The following ZNF804A variants were observed in gnomAD, a reference collection of about 807,000 sequenced individuals.
ZNF804A encodes zinc finger protein 804A.
Under a neutral mutation model 16.5 loss-of-function variants are expected in ZNF804A, and 2 were observed. The observed-to-expected ratio is 0.12, with a 90% CI of 0.05 to 0.38. The LOEUF is 0.38. Ranked by LOEUF, ZNF804A falls within the 10% of genes least tolerant of loss-of-function variation. The probability of loss-of-function intolerance (pLI) is 0.99; values close to 1 mark genes in which losing one functional copy is unlikely to be tolerated. For synonymous variants in ZNF804A, 534 were observed against 489.6 expected, an observed-to-expected ratio of 1.09 and a Z score of -1.20; for missense variants, 1,473 against 1,390.7, an observed-to-expected ratio of 1.06 and a Z score of -0.94.
At position 184,636,423 on chromosome 2, in the gene ZNF804A, C is replaced by CTGTGTGTGTG. The variant is rs746003358; in HGVS notation, c.111+37374_111+37383dup. 4.9e-3 allele frequency among the ~76,000 whole-genome samples: 491 copies of CTGTGTGTGTG among 99,234 alleles called. 15 individuals carry two copies. Among genetic ancestry groups the CTGTGTGTGTG allele is most frequent in the African/African-American group, 0.019 (458 of 23,508 alleles). 65.1% of individuals were successfully genotyped at this position (99,234 alleles called of 152,430 possible). On this transcript the variant is annotated intron_variant, in intron 1 of 3. Transcript: ENST00000302277. ...AAGCATTGTGAGACTGGCTCTAGGG[C>CTGTGTGTGTG]TGTGTGTGTGTGTGTGTGTGTGTGT...
At chr2:184,716,861 G>A (rs1040120701) in intron 1 of ZNF804A, among the ~76,000 whole-genome samples, 12 of 152,128 alleles carry the variant, frequency 7.9e-5, no homozygotes, top group African/African-American at 2.7e-4. Flanking sequence ...TGAATGGAGA[G>A]AAGAAAATAA....
intron 2 of ZNF804A, among the ~76,000 whole-genome samples, chr2:184,920,690 C>T (rs1685516232): frequency 6.6e-6 from 1 of 152,098 alleles, no homozygotes. Flanking sequence ...TTTAAATAAG[C>T]TGTCATGATT....
At chr2:184,887,439 C>T (rs1261603015) in intron 2 of ZNF804A, among the ~76,000 whole-genome samples, 2 of 152,194 alleles carry the variant, frequency 1.3e-5, no homozygotes, top group East Asian at 3.8e-4. Flanking sequence ...GTTGCTTCAA[C>T]ATTTTCAGGT....
At chr2:184,623,837 G>A (rs903605402) in intron 1 of ZNF804A, among the ~76,000 whole-genome samples, 4 of 152,074 alleles carry the variant, frequency 2.6e-5, no homozygotes, top group Admixed American at 1.3e-4. Context: ...AATGAAGTTC[G>A]TTTGATTGCT....
intron 1 of ZNF804A, among the ~76,000 whole-genome samples, chr2:184,750,560 C>G (rs952445098): frequency 2.6e-5 from 4 of 151,284 alleles, no homozygotes; most frequent in Non-Finnish European, 5.9e-5. Context: ...ATGTATACAA[C>G]TTGGTGAGTT....
chr2:184,632,542 C>T (rs1388056527), intron 1 of ZNF804A, among the ~76,000 whole-genome samples: 3 of 152,102 alleles, frequency 2.0e-5, no homozygotes, highest in South Asian at 2.1e-4. Flanking sequence ...ATTACAGGGG[C>T]GTGCCACCAC....
chr2:184,733,020 C>T (rs1006745315), intron 1 of ZNF804A, among the ~76,000 whole-genome samples: 7 of 152,012 alleles, frequency 4.6e-5, no homozygotes, highest in Non-Finnish European at 1.0e-4. Context: ...TGTATCTTTT[C>T]TTTTCTTGTC....
At chr2:184,919,169 T>C (rs1366838) in intron 2 of ZNF804A, among the ~76,000 whole-genome samples, 65,011 of 152,110 alleles carry the variant, frequency 0.43, 16,908 homozygotes, top group East Asian at 0.82. Context: ...GTGAGAATCA[T>C]TGAGTGCAGG....
chr2:184,615,330 T>C (rs1691301848), intron 1 of ZNF804A, among the ~76,000 whole-genome samples: 1 of 152,172 alleles, frequency 6.6e-6, no homozygotes, highest in South Asian at 2.1e-4. Flanking sequence ...GTAACACACC[T>C]GCACATTCTG....
chr2:184,817,289 G>A (rs1694998152), intron 1 of ZNF804A, among the ~76,000 whole-genome samples: 1 of 151,766 alleles, frequency 6.6e-6, no homozygotes, highest in Non-Finnish European at 1.5e-5. Context: ...TGATCCCCCA[G>A]CAAACTACAG....
intron 1 of ZNF804A, among the ~76,000 whole-genome samples, chr2:184,690,525 T>C (rs1316061066): frequency 6.6e-6 from 1 of 152,044 alleles, no homozygotes; most frequent in Non-Finnish European, 1.5e-5. Flanking sequence ...TTCTGTAACC[T>C]AGAAGAGAAA....
intron 2 of ZNF804A, among the ~76,000 whole-genome samples, chr2:184,867,941 C>T (rs904329257): frequency 1.3e-5 from 2 of 152,018 alleles, no homozygotes; most frequent in Non-Finnish European, 2.9e-5. Context: ...ATAAGAATAT[C>T]TATTATCATT....
chr2:184,765,141 G>C (rs1694098801), intron 1 of ZNF804A, among the ~76,000 whole-genome samples: 1 of 152,076 alleles, frequency 6.6e-6, no homozygotes, highest in South Asian at 2.1e-4. Context: ...TAGTTTTGCT[G>C]GTGACATTGT....
intron 1 of ZNF804A, among the ~76,000 whole-genome samples, chr2:184,828,536 AT>A (rs1695209052): frequency 6.6e-6 from 1 of 151,576 alleles, no homozygotes; most frequent in African/African-American, 2.4e-5. Context: ...AAAAAAGATT[AT>A]ATACCTTCCC....
intron 1 of ZNF804A, among the ~76,000 whole-genome samples, chr2:184,690,166 C>A (rs773840475): frequency 6.8e-6 from 1 of 146,936 alleles, no homozygotes; most frequent in African/African-American, 2.6e-5. Context: ...GATGAAAATG[C>A]AGCATTGCAT....
At chr2:184,884,200 C>T (rs1213333685) in intron 2 of ZNF804A, among the ~76,000 whole-genome samples, 7 of 152,016 alleles carry the variant, frequency 4.6e-5, no homozygotes, top group Non-Finnish European at 1.0e-4. Context: ...ACACAGTTCA[C>T]AATAGCTACA....
intron 1 of ZNF804A, among the ~76,000 whole-genome samples, chr2:184,636,923 A>G (rs1455584384): frequency 2.0e-5 from 3 of 152,090 alleles, no homozygotes; most frequent in Non-Finnish European, 2.9e-5. Flanking sequence ...TTACTTTTTA[A>G]AATAAATTAT....
chr2:184,721,884 A>G (rs1693321921), intron 1 of ZNF804A, among the ~76,000 whole-genome samples: 1 of 152,158 alleles, frequency 6.6e-6, no homozygotes, highest in African/African-American at 2.4e-5. Context: ...TGATATATAT[A>G]CACAATGGAA....
At chr2:184,872,075 G>A (rs749739956) in intron 2 of ZNF804A, among the ~76,000 whole-genome samples, 20 of 152,024 alleles carry the variant, frequency 1.3e-4, no homozygotes, top group Admixed American at 2.6e-4. Context: ...TGCAAACTGC[G>A]TTTAAAAGTA....
Sources: gnomAD v4.1 joint callset for allele counts (sites outside exome capture counted in the v4.1 genomes callset) on GRCh38, gnomAD v4.1.1 for gene constraint, MANE v1.5 for transcripts, NCBI Gene and HGNC (gene_info 2026-07-23, HGNC 2026-07-21) for gene names.